Variants in PDE4D observed in about 807,000 individuals in gnomAD.
The protein encoded by PDE4D is phosphodiesterase 4D, also known as 3',5'-cyclic-AMP phosphodiesterase 4D.
In PDE4D, 24 loss-of-function variants were observed where a neutral mutation model predicts 87.4. The ratio of observed to expected loss-of-function variants is 0.27; its 90% CI spans 0.20 to 0.39. The LOEUF (loss-of-function observed/expected upper bound fraction) is 0.39. Among genes scored for constraint, PDE4D ranks in the 10% least tolerant of loss-of-function variants. The pLI, the probability that PDE4D is intolerant of heterozygous loss-of-function variation, is 1.00. For synonymous variants in PDE4D, 384 were observed against 383.2 expected, an observed-to-expected ratio of 1.00 and a Z score of -0.02; for missense variants, 714 against 1,041.0, an observed-to-expected ratio of 0.69 and a Z score of 4.32.
At chr5:59,269,432 G>A (rs1763396328) in intron 1 of PDE4D, among the ~76,000 whole-genome samples, 1 of 152,062 alleles carries the variant, frequency 6.6e-6, no homozygotes, top group South Asian at 2.1e-4. Flanking sequence ...TCAGAAGTGG[G>A]AAAAGTTACA....
chr5:60,223,503 T>G (rs771113326), intron 1 of PDE4D, among the ~76,000 whole-genome samples: 1 of 152,100 alleles, frequency 6.6e-6, no homozygotes, highest in South Asian at 2.1e-4. Flanking sequence ...AGGCTCATGA[T>G]GACCCACAAG....
chr5:59,733,470 A>T (rs926613229), intron 1 of PDE4D, among the ~76,000 whole-genome samples: 1 of 152,078 alleles, frequency 6.6e-6, no homozygotes, highest in Non-Finnish European at 1.5e-5. Context: ...CCCAATAAGG[A>T]TGTACATGAA....
At chr5:59,906,879 G>C (rs1456046159) in intron 3 of PDE4D, among the ~76,000 whole-genome samples, 1 of 152,118 alleles carries the variant, frequency 6.6e-6, no homozygotes, top group Non-Finnish European at 1.5e-5. Flanking sequence ...CCACAACTGG[G>C]TATATACCCA....
intron 1 of PDE4D, among the ~76,000 whole-genome samples, chr5:59,727,472 T>G (rs1756769247): frequency 6.6e-6 from 1 of 152,128 alleles, no homozygotes; most frequent in African/African-American, 2.4e-5. Context: ...AAAAATATTG[T>G]AATGAGAACA....
chr5:59,347,740 C>G (rs1779842127), intron 1 of PDE4D, among the ~76,000 whole-genome samples: 2 of 152,100 alleles, frequency 1.3e-5, no homozygotes. Flanking sequence ...CTTTCCCTCA[C>G]TGTATTTTTA....
At chr5:59,676,235 A>G (rs1371388795) in intron 1 of PDE4D, among the ~76,000 whole-genome samples, 1 of 152,214 alleles carries the variant, frequency 6.6e-6, no homozygotes, top group Non-Finnish European at 1.5e-5. Context: ...AGAGGTTTTA[A>G]GTAACTAGTT....
rs371482555 is a variant in PDE4D at position 59,394,780 on chromosome 5, C to T, written c.456-178812G>A. Among the ~76,000 whole-genome samples, 41 of 152,280 alleles carry T rather than the reference C, an allele frequency of 2.7e-4. No homozygotes were observed. In the East Asian group the frequency reaches 4.1e-3, roughly 15 times the overall value. Reference sequence around the variant, plus strand: ...GGTCTACAGCTCCCAGCCTGAGCGACGCAGAAGACAGGTGATTTCTGCATT... The same window carrying T: ...GGTCTACAGCTCCCAGCCTGAGCGATGCAGAAGACAGGTGATTTCTGCATT... On this transcript the variant is annotated intron_variant, in intron 1 of 14. Coordinates refer to ENST00000340635, the MANE Select transcript of PDE4D (RefSeq NM_001104631.2).
chr5:59,988,528 T>C, exon 3 of PDE4D: 1 of 1,599,186 alleles, frequency 6.3e-7, no homozygotes, highest in Admixed American at 1.7e-5. Flanking sequence ...AGCGGCAGAA[T>C]CTTCAGGGGG....
intron 3 of PDE4D, among the ~76,000 whole-genome samples, chr5:59,185,733 A>T (rs1473639834): frequency 6.6e-6 from 1 of 152,232 alleles, no homozygotes; most frequent in Non-Finnish European, 1.5e-5. Context: ...TACCTTTGCC[A>T]CATGGCTACT....
chr5:59,585,312 C>T (rs1583222559), intron 1 of PDE4D, among the ~76,000 whole-genome samples: 1 of 152,142 alleles, frequency 6.6e-6, no homozygotes, highest in East Asian at 1.9e-4. Context: ...ACCTTAAGCT[C>T]TCAGGGAGCT....
intron 2 of PDE4D, among the ~76,000 whole-genome samples, chr5:60,064,742 G>C (rs547463216): frequency 6.6e-6 from 1 of 152,126 alleles, no homozygotes; most frequent in Non-Finnish European, 1.5e-5. Context: ...TTAAATCAAT[G>C]GATACCTCAT....
chr5:59,411,256 A>AT lies in PDE4D; in HGVS notation c.456-195289dup, dbSNP rs201049122. 4.7e-3 allele frequency among the ~76,000 whole-genome samples: 713 copies of AT among 152,004 alleles called. 5 individuals are homozygous for AT. The highest frequency in any genetic ancestry group is 0.016 in the African/African-American group (660 of 41,442). ...GTAATTAGCATTCTCAACTTTGTTG[A>AT]TTTTTTCCTCTCCTTTCCATTTCCT... On this transcript the variant is annotated intron_variant, in intron 1 of 14. Coordinates refer to ENST00000340635, the MANE Select transcript of PDE4D (RefSeq NM_001104631.2).
At chr5:58,989,633 T>C (rs1747395350) in intron 10 of PDE4D, 122 bp downstream of exon 10, 6 of 596,034 alleles carry the variant, frequency 1.0e-5, no homozygotes, top group Non-Finnish European at 1.7e-5. Context: ...CCCCCATAAG[T>C]CAATAAGTTA....
At chr5:60,326,826 T>C (rs546553647) in intron 1 of PDE4D, among the ~76,000 whole-genome samples, 1 of 152,276 alleles carries the variant, frequency 6.6e-6, no homozygotes, top group Non-Finnish European at 1.5e-5. Flanking sequence ...GCTTCGGTCA[T>C]TTTTAAAGTC....
intron 1 of PDE4D, among the ~76,000 whole-genome samples, chr5:60,263,906 CTAAA>C (rs1749905682): frequency 6.6e-6 from 1 of 150,574 alleles, no homozygotes. Flanking sequence ...AAATAATAAA[CTAAA>C]TAAAAATAAT....
intron 1 of PDE4D, among the ~76,000 whole-genome samples, chr5:60,274,861 G>A (rs1324833136): frequency 6.6e-6 from 1 of 152,164 alleles, no homozygotes; most frequent in Non-Finnish European, 1.5e-5. Flanking sequence ...GATGTCCTAT[G>A]GACCCTTGTA....
chr5:59,155,396 T>C (rs1561583081), intron 5 of PDE4D, among the ~76,000 whole-genome samples: 1 of 152,124 alleles, frequency 6.6e-6, no homozygotes, highest in East Asian at 1.9e-4. Flanking sequence ...AGAAAGAGTT[T>C]AAGAAGAAGA....
chr5:60,298,130 A>G (rs1201847358), intron 1 of PDE4D, among the ~76,000 whole-genome samples: 2 of 151,614 alleles, frequency 1.3e-5, no homozygotes, highest in African/African-American at 4.9e-5. Flanking sequence ...CCTTAAATCA[A>G]CAAGCATCTA....
chr5:60,016,530 C>T (rs939642486), intron 2 of PDE4D, among the ~76,000 whole-genome samples: 8 of 152,182 alleles, frequency 5.3e-5, no homozygotes, highest in Non-Finnish European at 1.2e-4. Context: ...ATTTTTCCCT[C>T]AGTATATCTT....
Sources: gnomAD v4.1 joint callset for allele counts (sites outside exome capture counted in the v4.1 genomes callset) on GRCh38, gnomAD v4.1.1 for gene constraint, MANE v1.5 for transcripts, NCBI Gene and HGNC (gene_info 2026-07-23, HGNC 2026-07-21) for gene names.